The following DRD2 variants were observed in gnomAD, a reference collection of about 807,000 sequenced individuals.
DRD2 encodes the protein dopamine receptor D2.
DRD2 carries 8 observed loss-of-function variants against 38.0 expected under a neutral mutation model. That is an observed-to-expected ratio of 0.21 (90% CI 0.12 to 0.38). The LOEUF (loss-of-function observed/expected upper bound fraction) is 0.38. DRD2 is among the 10% of genes least tolerant of loss of function. DRD2 has a pLI of 1.00. For missense variants in DRD2, 403 were observed against 607.7 expected, an observed-to-expected ratio of 0.66 and a Z score of 3.54; for synonymous variants, 230 against 238.6, an observed-to-expected ratio of 0.96 and a Z score of 0.33.
intron 1 of DRD2, among the ~76,000 whole-genome samples, chr11:113,433,275 G>C (rs1332729618): frequency 6.6e-6 from 1 of 152,118 alleles, no homozygotes; most frequent in East Asian, 1.9e-4. Context: ...TCTGGCCCCG[G>C]TGTCAGCAGT....
At chr11:113,465,342 G>A (rs1366674945) in intron 1 of DRD2, among the ~76,000 whole-genome samples, 1 of 152,204 alleles carries the variant, frequency 6.6e-6, no homozygotes, top group Non-Finnish European at 1.5e-5. Flanking sequence ...TGATCTGCCT[G>A]TCTTGGCCTC....
chr11:113,460,597 A>G (rs1196497536), intron 1 of DRD2, among the ~76,000 whole-genome samples: 1 of 152,032 alleles, frequency 6.6e-6, no homozygotes, highest in Non-Finnish European at 1.5e-5. Flanking sequence ...TGGGGCAGGC[A>G]CCCTCCCTGG....
intron 7 of DRD2, 98 bp downstream of exon 7, chr11:113,412,458 G>T: frequency 6.8e-7 from 1 of 1,468,304 alleles, no homozygotes; most frequent in South Asian, 1.2e-5. Flanking sequence ...CTGAGGAAAT[G>T]CTAGCCCCAT....
intron 1 of DRD2, chr11:113,450,107 T>A (rs937987961): frequency 2.6e-5 from 4 of 154,552 alleles, no homozygotes; most frequent in Non-Finnish European, 2.9e-5. Flanking sequence ...GAGAATGGGA[T>A]CCTTAGTCTA....
intron 6 of DRD2, chr11:113,413,439 T>C: frequency 2.0e-6 from 1 of 489,406 alleles, no homozygotes; most frequent in South Asian, 1.5e-5. Flanking sequence ...TGGGGTGACC[T>C]AGAGAGCCCT....
At chr11:113,470,635 GCCCAA>G (rs1951415421) in intron 1 of DRD2, among the ~76,000 whole-genome samples, 1 of 152,162 alleles carries the variant, frequency 6.6e-6, no homozygotes, top group Non-Finnish European at 1.5e-5. Context: ...TGACAAAATT[GCCCAA>G]ACTACACTAA....
intron 2 of DRD2, among the ~76,000 whole-genome samples, chr11:113,423,903 G>A (rs1950910223): frequency 1.3e-5 from 2 of 152,108 alleles, no homozygotes; most frequent in Admixed American, 1.3e-4. Context: ...CAGGGGCCTG[G>A]GAGCATAAAC....
chr11:113,418,806 C>G (rs935441735), intron 2 of DRD2, among the ~76,000 whole-genome samples: 2 of 152,208 alleles, frequency 1.3e-5, no homozygotes, highest in African/African-American at 4.8e-5. Flanking sequence ...TCTGCCCTGC[C>G]TTGCACTTCC....
chr11:113,444,282 G>A (rs556913185), intron 1 of DRD2, among the ~76,000 whole-genome samples: 4 of 152,102 alleles, frequency 2.6e-5, no homozygotes, highest in Non-Finnish European at 4.4e-5. Context: ...AGTGATCTGC[G>A]TGCCTCAGCC....
At chr11:113,436,852 GT>G (rs1565669371) in intron 1 of DRD2, among the ~76,000 whole-genome samples, 1 of 152,154 alleles carries the variant, frequency 6.6e-6, no homozygotes, top group South Asian at 2.1e-4. Flanking sequence ...TTCTGATCAA[GT>G]TCTCTTATTA....
rs764968856 is a variant in DRD2, at chr11:113,415,477, C to T, written c.667G>A (p.Val223Ile). 8.1e-6 allele frequency: 13 copies of T among 1,614,002 alleles called. No individual in the cohort carries two copies. The Admixed American group carries it at 1.8e-4, about 23-fold the overall frequency. Residue 223 changes from valine to isoleucine, a missense_variant, in exon 5 of 8, where the codon GTC (valine) becomes ATC (isoleucine). Coordinates refer to ENST00000362072, the MANE Select transcript of DRD2 (RefSeq NM_000795.4). ...YIVLRRRRKR[V>I]NTKRSSRAFR... The stretch of plus-strand genomic sequence containing the variant: ...GCTCGGCTGCTGCGTTTGGTGTTGA[C>T]TCGCTTGCGGCGTCTGCGGAGGACA...
chr11:113,410,367 TG>T lies in DRD2; in HGVS notation c.*359del. On this transcript the variant is annotated 3_prime_UTR_variant, in exon 8 of 8. Transcript: ENST00000362072. ...CCCCACAAAGAGAAAACTCAGCCTCTGGGCCCTGACTCAGGCTCCAGCAACC... is the reference window on the plus strand; with the variant it reads ...CCCCACAAAGAGAAAACTCAGCCTCTGGCCCTGACTCAGGCTCCAGCAACC... 1 of 449,952 alleles carries T rather than the reference TG, an allele frequency of 2.2e-6. No homozygotes were observed. Among genetic ancestry groups the T allele is most frequent in the Non-Finnish European group, 4.1e-6 (1 of 242,920 alleles). 27.9% of individuals were successfully genotyped at this position (449,952 alleles called of 1,614,324 possible).
chr11:113,455,559 C>T (rs1189785244), intron 1 of DRD2, among the ~76,000 whole-genome samples: 1 of 151,936 alleles, frequency 6.6e-6, no homozygotes, highest in Non-Finnish European at 1.5e-5. Flanking sequence ...ATATACAAAA[C>T]ATATAAGGAA....
At chr11:113,466,016 C>T (rs973884014) in intron 1 of DRD2, among the ~76,000 whole-genome samples, 1 of 152,154 alleles carries the variant, frequency 6.6e-6, no homozygotes, top group Admixed American at 6.5e-5. Context: ...AGTATATAGT[C>T]ATCCTGTTTT....
Position 113,412,863 on chromosome 11 carries a change from C to G in DRD2, c.831G>C (p.Gln277His). 6.2e-7 allele frequency: 1 copy of G among 1,612,144 alleles called. No homozygotes were observed. The highest frequency in any genetic ancestry group is 8.5e-7 in the Non-Finnish European group (1 of 1,179,830). ...RRRVEAARRA[Q>H]ELEMEMLSST... Reference sequence around the variant, plus strand: ...TGGAGAGCATCTCCATCTCCAGCTCCTGGGCTCGCCGGGCAGCCTCCTGCA... The same window carrying G: ...TGGAGAGCATCTCCATCTCCAGCTCGTGGGCTCGCCGGGCAGCCTCCTGCA... Residue 277 changes from glutamine to histidine, a missense_variant, in exon 7 of 8, where the codon CAG (glutamine) becomes CAC (histidine). Gln to His is a conservative substitution (Grantham distance 24, BLOSUM62 0). This residue lies in a region of DRD2 where 166 missense variants were observed against 178.6 expected (regional missense o/e 0.93). Coordinates refer to ENST00000362072, the MANE Select transcript of DRD2 (RefSeq NM_000795.4).
chr11:113,443,642 C>G (rs543370707), intron 1 of DRD2, among the ~76,000 whole-genome samples: 1 of 152,316 alleles, frequency 6.6e-6, no homozygotes, highest in African/African-American at 2.4e-5. Flanking sequence ...TGTCAGCTCG[C>G]CAGGCAGTTA....
chr11:113,419,192 G>A (rs1427360993), intron 2 of DRD2, among the ~76,000 whole-genome samples: 1 of 152,246 alleles, frequency 6.6e-6, no homozygotes, highest in Non-Finnish European at 1.5e-5. Context: ...GTACATGGCA[G>A]AGTCGGGGCC....
chr11:113,466,182 G>T (rs1004204577), intron 1 of DRD2, among the ~76,000 whole-genome samples: 1 of 152,202 alleles, frequency 6.6e-6, no homozygotes, highest in Admixed American at 6.5e-5. Flanking sequence ...AGGGACAGGG[G>T]ATGCATAGCC....
intron 2 of DRD2, among the ~76,000 whole-genome samples, chr11:113,423,352 T>C (rs1950904274): frequency 6.6e-6 from 1 of 152,170 alleles, no homozygotes; most frequent in Non-Finnish European, 1.5e-5. Flanking sequence ...CTCAGCTCAC[T>C]GCAACCTCTG....
Sources: gnomAD v4.1 joint callset for allele counts (sites outside exome capture counted in the v4.1 genomes callset) on GRCh38, gnomAD v4.1.1 for gene constraint, gnomAD v4.1.1 regional missense constraint, MANE v1.5 for transcripts, NCBI Gene and HGNC (gene_info 2026-07-23, HGNC 2026-07-21) for gene names.